Variants in PDE1A observed in about 807,000 individuals in gnomAD.
PDE1A encodes the protein phosphodiesterase 1A, also known as dual specificity calcium/calmodulin-dependent 3',5'-cyclic nucleotide phosphodiesterase 1A.
PDE1A carries 35 observed loss-of-function variants against 61.7 expected under a neutral mutation model. The ratio of observed to expected loss-of-function variants is 0.57; its 90% CI spans 0.43 to 0.75. The LOEUF (loss-of-function observed/expected upper bound fraction) is 0.75. PDE1A is among the 30% of genes least tolerant of loss of function. The probability of loss-of-function intolerance (pLI) is 0.00; values close to 1 mark genes in which losing one functional copy is unlikely to be tolerated. For missense variants in PDE1A, 597 were observed against 630.6 expected, an observed-to-expected ratio of 0.95 and a Z score of 0.57; for synonymous variants, 232 against 213.2, an observed-to-expected ratio of 1.09 and a Z score of -0.77.
At chr2:182,246,932 A>G (rs968267846) in intron 2 of PDE1A, among the ~76,000 whole-genome samples, 1 of 152,192 alleles carries the variant, frequency 6.6e-6, no homozygotes, top group Non-Finnish European at 1.5e-5. Context: ...AATGGCTATA[A>G]AGTGTCTAGA....
intron 10 of PDE1A, among the ~76,000 whole-genome samples, chr2:182,198,286 G>T (rs567196086): frequency 6.6e-6 from 1 of 150,870 alleles, no homozygotes; most frequent in East Asian, 1.9e-4. Context: ...ATCTCTTGAG[G>T]TTTTCTATGC....
At chr2:182,234,846 TG>T (rs1689879892) in intron 3 of PDE1A, among the ~76,000 whole-genome samples, 2 of 152,212 alleles carry the variant, frequency 1.3e-5, no homozygotes, top group African/African-American at 4.8e-5. Context: ...AGAACATTCT[TG>T]TTTTATGTCC....
the PDE1A span, among the ~76,000 whole-genome samples, chr2:182,553,124 G>A: frequency 1.1e-4 from 16 of 152,178 alleles, no homozygotes; most frequent in Non-Finnish European, 1.8e-4. Context: ...CGTGACCCAC[G>A]GCTTCTAATA....
the PDE1A span, among the ~76,000 whole-genome samples, chr2:182,572,573 G>T: frequency 6.6e-6 from 1 of 152,080 alleles, no homozygotes; most frequent in Admixed American, 6.6e-5. Flanking sequence ...CATTTATAAG[G>T]CCTACAGTGT....
At chr2:182,599,263 G>A in the PDE1A span, among the ~76,000 whole-genome samples, 1 of 152,142 alleles carries the variant, frequency 6.6e-6, no homozygotes, top group Non-Finnish European at 1.5e-5. Flanking sequence ...GCCTCAGTGG[G>A]ACTTGAGCTG....
intron 2 of PDE1A, among the ~76,000 whole-genome samples, chr2:182,486,593 CAT>C (rs1173306045): frequency 2.0e-5 from 3 of 152,034 alleles, no homozygotes; most frequent in African/African-American, 7.2e-5. Context: ...CATAAATTGA[CAT>C]ATAGACAAAC....
chr2:182,533,847 A>G, the PDE1A span, among the ~76,000 whole-genome samples: 3 of 152,158 alleles, frequency 2.0e-5, no homozygotes, highest in Non-Finnish European at 4.4e-5. Flanking sequence ...TTAAATAAAA[A>G]TGAAAATAAT....
At chr2:182,180,357 AG>A (rs923592178) in intron 13 of PDE1A, among the ~76,000 whole-genome samples, 3 of 152,164 alleles carry the variant, frequency 2.0e-5, no homozygotes, top group Admixed American at 1.3e-4. Context: ...ATGAAATTTT[AG>A]GTTGAAAAAT....
the PDE1A span, among the ~76,000 whole-genome samples, chr2:182,541,642 C>T: frequency 6.6e-6 from 1 of 152,074 alleles, no homozygotes; most frequent in Non-Finnish European, 1.5e-5. Context: ...TCTTGTGAGG[C>T]TCAATCTCTA....
At chr2:182,426,260 A>G (rs1425238055) in intron 1 of PDE1A, among the ~76,000 whole-genome samples, 1 of 152,212 alleles carries the variant, frequency 6.6e-6, no homozygotes, top group Non-Finnish European at 1.5e-5. Flanking sequence ...AACGTTTCCT[A>G]TTTAGAGGGC....
At chr2:182,315,495 C>G (rs1022632827) in intron 1 of PDE1A, among the ~76,000 whole-genome samples, 1 of 152,132 alleles carries the variant, frequency 6.6e-6, no homozygotes, top group African/African-American at 2.4e-5. Context: ...ATTATCCATT[C>G]AAGGAAGCCA....
At chr2:182,552,936 G>A in the PDE1A span, among the ~76,000 whole-genome samples, 2 of 152,224 alleles carry the variant, frequency 1.3e-5, no homozygotes, top group Admixed American at 1.3e-4. Context: ...TCGCAGACCC[G>A]CTGCTGACTC....
At chr2:182,362,828 A>G (rs560386189) in intron 1 of PDE1A, among the ~76,000 whole-genome samples, 5 of 152,210 alleles carry the variant, frequency 3.3e-5, no homozygotes, top group Admixed American at 2.0e-4. Context: ...ATGCCCATCA[A>G]TGATAGACTG....
chr2:182,435,749 A>C (rs1684359217), intron 2 of PDE1A, among the ~76,000 whole-genome samples: 1 of 152,006 alleles, frequency 6.6e-6, no homozygotes. Flanking sequence ...AAAATCAACA[A>C]CCTAACTTCA....
At chr2:182,617,405 C>T in the PDE1A span, among the ~76,000 whole-genome samples, 76 of 152,214 alleles carry the variant, frequency 5.0e-4, no homozygotes, top group Admixed American at 4.7e-3. Context: ...GCCTGGATTT[C>T]TCCTGGCCCC....
Position 182,493,158 on chromosome 2 carries a change from C to T in PDE1A, c.101+29118G>A, listed in dbSNP as rs536786553. Among the ~76,000 whole-genome samples the T allele has an allele frequency of 5.9e-5, 9 of 152,164 alleles. 1 individual carries two copies. In the South Asian group the frequency reaches 1.9e-3, roughly 32 times the overall value. ...AACTTTAACAATTAGTCAAAGCATG[C>T]CTTGCTATACCTAGTTTTTAAATCA... On this transcript the variant is annotated intron_variant, in intron 2 of 14. Transcript: ENST00000410103.
intron 1 of PDE1A, among the ~76,000 whole-genome samples, chr2:182,419,931 A>C (rs1041642596): frequency 2.0e-5 from 3 of 152,074 alleles, no homozygotes; most frequent in African/African-American, 4.8e-5. Flanking sequence ...AGATGAATTC[A>C]GTATTGATTC....
chr2:182,400,137 A>AT (rs1336760913), intron 1 of PDE1A, among the ~76,000 whole-genome samples: 3 of 151,998 alleles, frequency 2.0e-5, no homozygotes, highest in South Asian at 2.1e-4. Flanking sequence ...TGGCTATTTG[A>AT]TTTTTTTCTT....
intron 2 of PDE1A, among the ~76,000 whole-genome samples, chr2:182,516,702 G>GAGGAAGGAAGGAAGGAAGGAGGGA (rs1690183188): frequency 8.6e-6 from 1 of 116,762 alleles, no homozygotes; most frequent in African/African-American, 3.4e-5. Context: ...GGGAGGAAGG[G>GAGGAAGGAAGGAAGGAAGGAGGGA]AGGAAGGAAG....
Sources: allele counts gnomAD v4.1 joint callset (sites outside exome capture counted in the v4.1 genomes callset), GRCh38; gene constraint gnomAD v4.1.1; transcripts MANE v1.5; gene names NCBI Gene and HGNC (gene_info 2026-07-23, HGNC 2026-07-21).